The following CENPP variants were observed in gnomAD, a reference collection of about 807,000 sequenced individuals.
CENPP encodes the protein centromere protein P.
In CENPP, 24 loss-of-function variants were observed where a neutral mutation model predicts 35.6. The ratio of observed to expected loss-of-function variants is 0.67; its 90% CI spans 0.49 to 0.95. The LOEUF (loss-of-function observed/expected upper bound fraction) is 0.95, where lower values mean the gene tolerates loss of function less well. CENPP is among the 40% of genes least tolerant of loss of function. CENPP has a pLI of 0.00. For missense variants in CENPP, 332 were observed against 345.3 expected, an observed-to-expected ratio of 0.96 and a Z score of 0.31; for synonymous variants, 120 against 125.5, an observed-to-expected ratio of 0.96 and a Z score of 0.29.
chr9:92,566,852 C>T (rs528489124), intron 5 of CENPP, among the ~76,000 whole-genome samples: 6 of 152,078 alleles, frequency 3.9e-5, no homozygotes, highest in Non-Finnish European at 8.8e-5. Flanking sequence ...TGTTGAACAA[C>T]GTGAATATAA....
chr9:92,506,759 A>G (rs930639696), intron 5 of CENPP, among the ~76,000 whole-genome samples: 2 of 152,178 alleles, frequency 1.3e-5, no homozygotes, highest in Non-Finnish European at 2.9e-5. Flanking sequence ...CCAAGCTGAA[A>G]TAGCCAGCTG....
intron 5 of CENPP, among the ~76,000 whole-genome samples, chr9:92,579,474 C>T (rs1442673594): frequency 6.6e-6 from 1 of 151,186 alleles, no homozygotes; most frequent in Admixed American, 6.6e-5. Context: ...TCTTTTATTT[C>T]GTTGAGCAGT....
At chr9:92,558,796 T>C (rs1849781897) in intron 5 of CENPP, among the ~76,000 whole-genome samples, 1 of 151,790 alleles carries the variant, frequency 6.6e-6, no homozygotes. Context: ...TCTCCTTGGG[T>C]GGGTCTTGCT....
chr9:92,614,312 T>C lies in CENPP; in HGVS notation c.*1163T>C, dbSNP rs7024536. 0.055 allele frequency: 8,465 copies of C among 152,792 alleles called. 306 individuals carry two copies. Among genetic ancestry groups the C allele is most frequent in the African/African-American group, 0.089 (3,692 of 41,524 alleles). The allele number at this position is 152,792 out of a possible 1,614,324, so 9.5% of individuals were successfully genotyped here. A position where few individuals can be genotyped will look rare whatever the true frequency, so the allele number is the denominator to read the frequency against. ...CCAGCCCAGCAACAGTGAACTCCCT[T>C]GGGTCAAGACAGTACTCAACGGCCA... On this transcript the variant is annotated 3_prime_UTR_variant, in exon 8 of 8. Coordinates refer to ENST00000375587, the MANE Select transcript of CENPP (RefSeq NM_001012267.3).
At chr9:92,530,634 T>C (rs72754440) in intron 5 of CENPP, among the ~76,000 whole-genome samples, 6,080 of 152,320 alleles carry the variant, frequency 0.04, 186 homozygotes, top group South Asian at 0.098. Context: ...GTGGATACTT[T>C]CAGTGTCTCC....
rs373573367 is a variant in CENPP, at chr9:92,338,182, C to T, written c.378+553C>T. Among the ~76,000 whole-genome samples, 21 of 152,064 alleles carry T rather than the reference C, an allele frequency of 1.4e-4. No homozygotes were observed. In the South Asian group the frequency reaches 3.9e-3, roughly 29 times the overall value. ...AAAAAATTAGCCAGGCGTGGTGGTG[C>T]GCACCTGTGCTCCCAGCTACTCCGG... On this transcript the variant is annotated intron_variant, in intron 3 of 7. Transcript: ENST00000375587.
At chr9:92,529,504 G>A (rs1458380470) in intron 5 of CENPP, among the ~76,000 whole-genome samples, 2 of 152,052 alleles carry the variant, frequency 1.3e-5, no homozygotes, top group Admixed American at 6.6e-5. Context: ...AAACCTGCAC[G>A]CAGATATGTA....
intron 5 of CENPP, among the ~76,000 whole-genome samples, chr9:92,579,888 A>G (rs1193966353): frequency 1.4e-5 from 2 of 148,142 alleles, no homozygotes; most frequent in Non-Finnish European, 3.0e-5. Context: ...CCAGTTTTCA[A>G]AGGGAGTGCT....
intron 5 of CENPP, among the ~76,000 whole-genome samples, chr9:92,471,509 T>G (rs1183663241): frequency 6.6e-6 from 1 of 152,152 alleles, no homozygotes. Flanking sequence ...CTTGATCATT[T>G]TAAGAAGCCT....
intron 5 of CENPP, among the ~76,000 whole-genome samples, chr9:92,441,019 C>G (rs1027701153): frequency 6.6e-6 from 1 of 152,186 alleles, no homozygotes; most frequent in South Asian, 2.1e-4. Flanking sequence ...ATAGAATCAT[C>G]ACCGAACTTC....
chr9:92,373,297 A>G (rs1371776652), intron 4 of CENPP, among the ~76,000 whole-genome samples: 1 of 152,030 alleles, frequency 6.6e-6, no homozygotes, highest in African/African-American at 2.4e-5. Flanking sequence ...CGACTGGGCT[A>G]TACCAACATA....
At chr9:92,577,451 T>C (rs1001058286) in intron 5 of CENPP, among the ~76,000 whole-genome samples, 3 of 152,244 alleles carry the variant, frequency 2.0e-5, no homozygotes, top group Admixed American at 6.5e-5. Flanking sequence ...CATTTAGAAT[T>C]GAGAAGAACA....
At chr9:92,399,693 G>T (rs1378609175) in intron 5 of CENPP, among the ~76,000 whole-genome samples, 2 of 152,062 alleles carry the variant, frequency 1.3e-5, no homozygotes, top group African/African-American at 4.8e-5. Flanking sequence ...TTTGTGTAAG[G>T]TATGGACCTA....
upstream of CENPP, chr9:92,325,804 G>A (rs1166566625): frequency 3.7e-6 from 2 of 547,258 alleles, no homozygotes; most frequent in African/African-American, 4.1e-5. Context: ...GGGAAGTGGA[G>A]GACTCAGGCT....
chr9:92,363,757 T>C (rs1324218148), intron 4 of CENPP, among the ~76,000 whole-genome samples: 1 of 152,232 alleles, frequency 6.6e-6, no homozygotes, highest in Non-Finnish European at 1.5e-5. Context: ...ATTTCACATT[T>C]CTATGTCCTT....
chr9:92,557,487 C>T (rs1200358732), intron 5 of CENPP, among the ~76,000 whole-genome samples: 5 of 152,178 alleles, frequency 3.3e-5, no homozygotes, highest in African/African-American at 1.2e-4. Flanking sequence ...TTAACATAAT[C>T]CCAGACTTCT....
At chr9:92,450,350 GT>G (rs1844673049) in intron 5 of CENPP, among the ~76,000 whole-genome samples, 1 of 150,748 alleles carries the variant, frequency 6.6e-6, no homozygotes, top group African/African-American at 2.4e-5. Context: ...GCGGTGTTTG[GT>G]TTTTTGTTCT....
rs527456093 is a variant in CENPP at position 92,573,567 on chromosome 9, G to A, written c.565-37747G>A. On this transcript the variant is annotated intron_variant, in intron 5 of 7. Coordinates refer to ENST00000375587, the MANE Select transcript of CENPP (RefSeq NM_001012267.3). The stretch of plus-strand genomic sequence containing the variant: ...GGGTCAGGGACCCACTTGAGAAGGC[G>A]GTCTGTCCGTTCTCAGATCTCAAAC... Among the ~76,000 whole-genome samples, 57 of 152,300 alleles carry A rather than the reference G, an allele frequency of 3.7e-4. 1 individual carries two copies. The East Asian group carries it at 0.01, about 27-fold the overall frequency.
At chr9:92,465,155 T>G (rs1012954344) in intron 5 of CENPP, 1 of 686,404 alleles carries the variant, frequency 1.5e-6, no homozygotes, top group Admixed American at 2.6e-5. Flanking sequence ...TAGGCTCATT[T>G]TCACTCGGTA....
Sources: allele counts gnomAD v4.1 joint callset (sites outside exome capture counted in the v4.1 genomes callset), GRCh38; gene constraint gnomAD v4.1.1; transcripts MANE v1.5; gene names NCBI Gene and HGNC (gene_info 2026-07-23, HGNC 2026-07-21).